Variants in ZNF511 observed in about 807,000 individuals in gnomAD.
The protein encoded by ZNF511 is zinc finger protein 511.
In ZNF511, 26 loss-of-function variants were observed where a neutral mutation model predicts 24.8. The observed-to-expected ratio is 1.05, with a 90% CI of 0.77 to 1.46. ZNF511 has a LOEUF of 1.46. Ranked by LOEUF, ZNF511 falls within the 40% of genes most tolerant of loss-of-function variation. The pLI is 0.00. For synonymous variants in ZNF511, 144 were observed against 139.6 expected, an observed-to-expected ratio of 1.03 and a Z score of -0.22; for missense variants, 358 against 345.0, an observed-to-expected ratio of 1.04 and a Z score of -0.30.
intron 4 of ZNF511, among the ~76,000 whole-genome samples, chr10:133,311,288 GTGTAAAGTAAT>G (rs1190469314): frequency 6.6e-6 from 1 of 152,120 alleles, no homozygotes; most frequent in Non-Finnish European, 1.5e-5. Flanking sequence ...AAAGACTTAC[GTGTAAAGTAAT>G]TGTCTCCTTT....
Position 133,309,481 on chromosome 10 carries a change from G to A in ZNF511, c.227+18G>A. ...AAGCCCAGGTAAGCGAATGGGCAGT[G>A]CCTAGCCAGTGCTACTCCTGCGCCG... On this transcript the variant is annotated intron_variant, in intron 2 of 5. Transcript: ENST00000361518. The A allele has an allele frequency of 1.9e-6, 3 of 1,609,144 alleles. No homozygotes were observed. The highest frequency in any genetic ancestry group is 2.5e-6 in the Non-Finnish European group (3 of 1,178,158).
At position 133,309,857 on chromosome 10, in the gene ZNF511, G is replaced by C; in HGVS notation, c.309G>C (p.Thr103=). The change falls in exon 3 of 6, where the codon ACG becomes ACC. Residue 103 remains threonine (T), a synonymous_variant. Coordinates refer to ENST00000361518, the MANE Select transcript of ZNF511 (RefSeq NM_145806.4). ...ALDDYEHHYH[T]LHGNVCSFCK... ...ACGACTACGAGCACCACTACCACACGCTGCACGGAAATGTTTGCTCCTTTT... is the reference window on the plus strand; with the variant it reads ...ACGACTACGAGCACCACTACCACACCCTGCACGGAAATGTTTGCTCCTTTT... The C allele has an allele frequency of 8.1e-6, 13 of 1,613,788 alleles. No individual in the cohort carries two copies. The highest frequency in any genetic ancestry group is 1.1e-5 in the Non-Finnish European group (13 of 1,180,026).
intron 5 of ZNF511, 127 bp downstream of exon 5, chr10:133,311,968 G>A (rs779095043): frequency 9.3e-6 from 15 of 1,610,984 alleles, no homozygotes; most frequent in South Asian, 6.6e-5. Context: ...TAAGAAAATC[G>A]GCTTCCGCCA....
chr10:133,311,940 C>T lies in ZNF511; in HGVS notation c.680+99C>T, dbSNP rs1444890120. 7 of 1,613,060 alleles carry T rather than the reference C, an allele frequency of 4.3e-6. No individual in the cohort carries two copies. In the South Asian group the frequency reaches 5.5e-5, roughly 13 times the overall value. ...GCCGCAGCTCTTCTCATACTGAATT[C>T]AGAAAGGTAACGCTGGGTAAGAAAA... On this transcript the variant is annotated intron_variant, in intron 5 of 5. Transcript: ENST00000361518.
chr10:133,312,257 C>G, intron 5 of ZNF511: 2 of 1,332,632 alleles, frequency 1.5e-6, no homozygotes, highest in South Asian at 3.3e-5. Context: ...CCTGTGCCGT[C>G]TGCCTTTCTA....
At chr10:133,310,054 T>C in intron 3 of ZNF511, 77 bp downstream of exon 3, 4 of 1,608,878 alleles carry the variant, frequency 2.5e-6, no homozygotes, top group Non-Finnish European at 3.4e-6. Flanking sequence ...AGCTCTCGGG[T>C]GCTCGGGCAA....
At chr10:133,311,476 T>C (rs762755354) in intron 4 of ZNF511, 4 of 459,578 alleles carry the variant, frequency 8.7e-6, no homozygotes, top group Non-Finnish European at 1.5e-5. Flanking sequence ...CAAAAAAAAG[T>C]ATGATTGTTA....
rs755644687 is a variant in ZNF511, at chr10:133,309,131, G to C, written c.153+35G>C. On this transcript the variant is annotated intron_variant, in intron 1 of 5. Coordinates refer to ENST00000361518, the MANE Select transcript of ZNF511 (RefSeq NM_145806.4). ...CAAAAGAGGGAAAAAGTAGTTGTAG[G>C]ATCCAGTGGGGCCTACGGCGGCGAG... 2.2e-6 allele frequency: 3 copies of C among 1,362,058 alleles called. No individual in the cohort carries two copies. The Admixed American group carries it at 1.1e-4, about 48-fold the overall frequency. 84.4% of individuals were successfully genotyped at this position (1,362,058 alleles called of 1,614,324 possible).
chr10:133,311,020 G>A (rs769908225), intron 4 of ZNF511, among the ~76,000 whole-genome samples: 5 of 152,180 alleles, frequency 3.3e-5, no homozygotes, highest in Non-Finnish European at 5.9e-5. Flanking sequence ...CAGTCTGGTC[G>A]TGAACTCCTG....
intron 1 of ZNF511, 41 bp from the exon 2 acceptor site, chr10:133,309,349 G>A (rs200301443): frequency 9.4e-6 from 15 of 1,593,574 alleles, no homozygotes; most frequent in Middle Eastern, 2.0e-4. Flanking sequence ...TGGGCGTGCC[G>A]CGAGTCACCT....
Position 133,309,478 on chromosome 10 carries a change from A to G in ZNF511, c.227+15A>G, listed in dbSNP as rs758293039. On this transcript the variant is annotated intron_variant, in intron 2 of 5. Coordinates refer to ENST00000361518, the MANE Select transcript of ZNF511 (RefSeq NM_145806.4). The stretch of plus-strand genomic sequence containing the variant: ...GAGAAGCCCAGGTAAGCGAATGGGC[A>G]GTGCCTAGCCAGTGCTACTCCTGCG... 5.6e-6 allele frequency: 9 copies of G among 1,609,828 alleles called. No individual in the cohort carries two copies. In the Admixed American group the frequency reaches 6.7e-5, roughly 12 times the overall value.
rs866039992 is a variant in ZNF511, at chr10:133,312,996, C to T, written c.*130C>T. ...CGCCATCCTCCCCATCCTTGTTCCT[C>T]AGCAAATGGCATTAGCAGCTGTCAT... is the stretch of plus-strand genomic sequence containing the variant. On this transcript the variant is annotated 3_prime_UTR_variant, in exon 6 of 6. Transcript: ENST00000361518. 1.1e-5 allele frequency: 16 copies of T among 1,519,160 alleles called. No individual in the cohort carries two copies. In the South Asian group the frequency reaches 1.8e-4, roughly 17 times the overall value. The allele number at this position is 1,519,160 out of a possible 1,614,324, so 94.1% of individuals were successfully genotyped here.
At chr10:133,310,353 G>A (rs572534849) in intron 4 of ZNF511, 65 bp downstream of exon 4, 16 of 1,597,918 alleles carry the variant, frequency 1.0e-5, no homozygotes, top group East Asian at 8.9e-5. Context: ...CCAACTAGCC[G>A]GAATGCATAG....
At chr10:133,311,527 T>C (rs1234957877) in intron 4 of ZNF511, 189 bp from the exon 5 acceptor site, 1 of 577,040 alleles carries the variant, frequency 1.7e-6, no homozygotes, top group Non-Finnish European at 3.1e-6. Context: ...ATATAAACAA[T>C]GGCCTTGCTG....
chr10:133,312,254 C>T (rs923378291), intron 5 of ZNF511: 84 of 1,331,736 alleles, frequency 6.3e-5, no homozygotes, highest in African/African-American at 1.0e-4. Context: ...TGACCTGTGC[C>T]GTCTGCCTTT....
intron 4 of ZNF511, chr10:133,310,593 G>A (rs904751110): frequency 2.0e-5 from 8 of 404,386 alleles, no homozygotes; most frequent in African/African-American, 1.6e-4. Flanking sequence ...GGCCATGCCT[G>A]TACCTCCTGC....
intron 5 of ZNF511, chr10:133,312,201 G>C (rs774339639): frequency 7.1e-7 from 1 of 1,405,580 alleles, no homozygotes; most frequent in Non-Finnish European, 9.2e-7. Flanking sequence ...CACCTGTGCC[G>C]TCTGCGTTTC....
In ZNF511 at chr10:133,309,942, T is replaced by C; in HGVS notation, c.394T>C (p.Ser132Pro). The change falls in exon 3 of 6, where the codon TCG becomes CCG. Residue 132 changes from serine to proline, a missense_variant. Ser to Pro is a moderately conservative substitution (Grantham distance 74, BLOSUM62 -1). Coordinates refer to ENST00000361518, the MANE Select transcript of ZNF511 (RefSeq NM_145806.4). ...CGCCCACATCCTGGAGTGGCACGAT[T>C]CGCTCTTCCAGATCCTGTCTGAGAG... ...LDAHILEWHD[S>P]LFQILSERQD... 6 of 1,613,426 alleles carry C rather than the reference T, an allele frequency of 3.7e-6. No individual in the cohort carries two copies. Among genetic ancestry groups the C allele is most frequent in the Non-Finnish European group, 5.1e-6 (6 of 1,179,986 alleles).
chr10:133,311,704 C>G lies in ZNF511; in HGVS notation c.555-12C>G, dbSNP rs1186060009. ...CCGTGCAGGGCAGTTACTCACTGCT[C>G]TCTCCCCGCAGCCCAGCCTCAGCAG... is the stretch of plus-strand genomic sequence containing the variant. On this transcript the variant is annotated splice_polypyrimidine_tract_variant and intron_variant, in intron 4 of 5. Coordinates refer to ENST00000361518, the MANE Select transcript of ZNF511 (RefSeq NM_145806.4). 6.2e-7 allele frequency: 1 copy of G among 1,609,444 alleles called. No homozygotes were observed. The highest frequency in any genetic ancestry group is 8.5e-7 in the Non-Finnish European group (1 of 1,177,364).
Sources: gnomAD v4.1 joint callset for allele counts (sites outside exome capture counted in the v4.1 genomes callset) on GRCh38, gnomAD v4.1.1 for gene constraint, MANE v1.5 for transcripts, NCBI Gene and HGNC (gene_info 2026-07-23, HGNC 2026-07-21) for gene names.